RBFOX1: variants seen among roughly 807,000 people sequenced by gnomAD.
RBFOX1 encodes the protein RNA binding fox-1 homolog 1, also known as RNA binding protein fox-1 homolog 1.
A neutral mutation model predicts 57.7 loss-of-function variants in RBFOX1; 8 were observed. That is an observed-to-expected ratio of 0.14 (90% CI 0.08 to 0.25). RBFOX1 has a LOEUF of 0.25. RBFOX1 is among the 10% of genes least tolerant of loss of function. The probability of loss-of-function intolerance (pLI) is 1.00; values close to 1 mark genes in which losing one functional copy is unlikely to be tolerated. For synonymous variants in RBFOX1, 326 were observed against 222.4 expected, an observed-to-expected ratio of 1.47 and a Z score of -4.15; for missense variants, 611 against 548.5, an observed-to-expected ratio of 1.11 and a Z score of -1.14.
At chr16:6,039,084 A>T (rs1247108099) in intron 1 of RBFOX1, 1 of 151,428 alleles carries the variant, frequency 6.6e-6, no homozygotes, top group East Asian at 1.9e-4. Flanking sequence ...CACTCCCCAG[A>T]CCAAACTGTG....
chr16:7,163,408 G>C (rs866051459), intron 4 of RBFOX1, among the ~76,000 whole-genome samples: 2 of 152,154 alleles, frequency 1.3e-5, no homozygotes, highest in African/African-American at 4.8e-5. Context: ...TTTCATCAAT[G>C]TGTATGAAGC....
chr16:7,003,661 G>A (rs74010445), intron 3 of RBFOX1, among the ~76,000 whole-genome samples: 2,062 of 152,138 alleles, frequency 0.014, 50 homozygotes, highest in African/African-American at 0.047. Context: ...GATACATGTA[G>A]CATCAAAGGA....
At chr16:6,740,774 T>C (rs1163503908) in intron 3 of RBFOX1, among the ~76,000 whole-genome samples, 1 of 152,208 alleles carries the variant, frequency 6.6e-6, no homozygotes, top group Admixed American at 6.5e-5. Flanking sequence ...GACTCCACTT[T>C]GTAAAGATGC....
intron 1 of RBFOX1, among the ~76,000 whole-genome samples, chr16:6,286,439 A>T (rs9933185): frequency 0.22 from 32,978 of 152,222 alleles, 4,653 homozygotes; most frequent in African/African-American, 0.4. Flanking sequence ...GAGTTGCTCA[A>T]AGTCTCTGAG....
chr16:7,669,213 A>G (rs2070530121), intron 13 of RBFOX1, among the ~76,000 whole-genome samples: 1 of 152,184 alleles, frequency 6.6e-6, no homozygotes, highest in African/African-American at 2.4e-5. Flanking sequence ...CCCTGAAGCT[A>G]TAGGTTTTAT....
chr16:7,243,692 G>T (rs2178711), intron 4 of RBFOX1, among the ~76,000 whole-genome samples: 1 of 151,802 alleles, frequency 6.6e-6, no homozygotes. Context: ...GGTTACAGGC[G>T]TGCATCATCA....
chr16:7,089,133 C>T (rs898427772), intron 4 of RBFOX1, among the ~76,000 whole-genome samples: 7 of 152,162 alleles, frequency 4.6e-5, no homozygotes, highest in African/African-American at 1.7e-4. Flanking sequence ...GCTCCATTTC[C>T]ACCCGGTTTA....
At chr16:6,504,786 T>A (rs1429088818) in intron 2 of RBFOX1, among the ~76,000 whole-genome samples, 2 of 152,164 alleles carry the variant, frequency 1.3e-5, no homozygotes, top group African/African-American at 4.8e-5. Context: ...CCAGGTGCAG[T>A]GGCTCACGCC....
intron 1 of RBFOX1, among the ~76,000 whole-genome samples, chr16:6,120,628 A>T (rs1229079671): frequency 6.6e-6 from 1 of 152,146 alleles, no homozygotes; most frequent in African/African-American, 2.4e-5. Context: ...TGGCTCAGTG[A>T]ATATATTAGC....
intron 11 of RBFOX1, among the ~76,000 whole-genome samples, chr16:7,644,750 C>G (rs2063437139): frequency 2.0e-5 from 3 of 152,126 alleles, no homozygotes; most frequent in Admixed American, 2.0e-4. Flanking sequence ...GAAATCAACT[C>G]AGGTGATAAG....
intron 3 of RBFOX1, among the ~76,000 whole-genome samples, chr16:5,611,767 C>A (rs2047812110): frequency 7.9e-6 from 1 of 126,234 alleles, no homozygotes; most frequent in Non-Finnish European, 1.7e-5. Flanking sequence ...TCTTTTCAGT[C>A]TCCCATCCAT....
chr16:5,834,368 C>G (rs917665391), intron 3 of RBFOX1, among the ~76,000 whole-genome samples: 1 of 152,108 alleles, frequency 6.6e-6, no homozygotes, highest in Admixed American at 6.5e-5. Context: ...TTTTCCATTC[C>G]TGAGTTACCT....
intron 1 of RBFOX1, among the ~76,000 whole-genome samples, chr16:5,465,934 T>A (rs2068939505): frequency 6.6e-6 from 1 of 152,086 alleles, no homozygotes; most frequent in Admixed American, 6.5e-5. Flanking sequence ...GGTGCTGCGG[T>A]GGGTAAGCTC....
At chr16:6,445,124 G>T (rs79196006) in intron 2 of RBFOX1, among the ~76,000 whole-genome samples, 4,935 of 152,178 alleles carry the variant, frequency 0.032, 271 homozygotes, top group African/African-American at 0.11. Context: ...ACTTCTAGAT[G>T]TTAGACTTGG....
chr16:7,129,443 C>T (rs2069589537), intron 4 of RBFOX1, among the ~76,000 whole-genome samples: 1 of 152,020 alleles, frequency 6.6e-6, no homozygotes, highest in African/African-American at 2.4e-5. Flanking sequence ...GGATAGAGAT[C>T]AGGTGACAAA....
intron 4 of RBFOX1, among the ~76,000 whole-genome samples, chr16:7,252,942 T>G (rs917827376): frequency 1.4e-4 from 21 of 152,166 alleles, no homozygotes; most frequent in African/African-American, 3.9e-4. Context: ...TCACACACAT[T>G]TTGTAAATTT....
chr16:7,262,112 A>T (rs1287110364), intron 4 of RBFOX1, among the ~76,000 whole-genome samples: 1 of 152,148 alleles, frequency 6.6e-6, no homozygotes, highest in Non-Finnish European at 1.5e-5. Flanking sequence ...TCTGGGAAAT[A>T]TGACACAGAG....
intron 4 of RBFOX1, among the ~76,000 whole-genome samples, chr16:7,414,752 G>C (rs926422834): frequency 1.3e-5 from 2 of 152,140 alleles, no homozygotes; most frequent in Admixed American, 1.3e-4. Context: ...AGAGTAGCTG[G>C]GATTACAGGC....
At chr16:5,540,129 A>C (rs2044871159) in intron 2 of RBFOX1, among the ~76,000 whole-genome samples, 1 of 152,208 alleles carries the variant, frequency 6.6e-6, no homozygotes, top group Admixed American at 6.5e-5. Context: ...ACAGAAAAAC[A>C]AAGGAAGCCG....
Sources: gnomAD v4.1 joint callset for allele counts (sites outside exome capture counted in the v4.1 genomes callset) on GRCh38, gnomAD v4.1.1 for gene constraint, MANE v1.5 for transcripts, NCBI Gene and HGNC (gene_info 2026-07-23, HGNC 2026-07-21) for gene names.